ATP8A2: variants seen among roughly 807,000 people sequenced by gnomAD.
The protein encoded by ATP8A2 is phospholipid-transporting ATPase IB.
Under a neutral mutation model 165.6 loss-of-function variants are expected in ATP8A2, and 100 were observed. That is an observed-to-expected ratio of 0.60 (90% CI 0.51 to 0.71). ATP8A2 has a LOEUF of 0.71. Ranked by LOEUF, ATP8A2 falls within the 30% of genes least tolerant of loss-of-function variation. The probability of loss-of-function intolerance (pLI) is 0.00; values close to 1 mark genes in which losing one functional copy is unlikely to be tolerated. For synonymous variants in ATP8A2, 543 were observed against 548.8 expected (o/e 0.99, Z 0.15); for missense variants, 1,227 against 1,479.5 (o/e 0.83, Z 2.80).
chr13:25,887,666 C>G (rs1304716010), intron 33 of ATP8A2, among the ~76,000 whole-genome samples: 1 of 152,168 alleles, frequency 6.6e-6, no homozygotes, highest in East Asian at 1.9e-4. Context: ...TTAATAAATT[C>G]AGACAAGAGA....
At chr13:25,407,747 G>A (rs554532629) in intron 1 of ATP8A2, among the ~76,000 whole-genome samples, 1 of 152,192 alleles carries the variant, frequency 6.6e-6, no homozygotes, top group Non-Finnish European at 1.5e-5. Context: ...TATTTGAGGG[G>A]TTAAGAAAGA....
chr13:25,910,420 C>T (rs898971047), intron 33 of ATP8A2, among the ~76,000 whole-genome samples: 2 of 152,140 alleles, frequency 1.3e-5, no homozygotes, highest in Non-Finnish European at 2.9e-5. Flanking sequence ...ACTCATTATC[C>T]CTCTTTAGAT....
intron 35 of ATP8A2, among the ~76,000 whole-genome samples, chr13:25,973,282 C>T (rs560577883): frequency 6.6e-6 from 1 of 152,310 alleles, no homozygotes; most frequent in African/African-American, 2.4e-5. Context: ...GTTCTGTGAA[C>T]ATCTGTGCGT....
At chr13:25,876,607 A>G (rs2138832546) in intron 33 of ATP8A2, among the ~76,000 whole-genome samples, 1 of 152,350 alleles carries the variant, frequency 6.6e-6, no homozygotes, top group East Asian at 1.9e-4. Flanking sequence ...CCATGAAAAA[A>G]GATCCTTTAA....
At chr13:25,799,598 AG>A (rs1950577546) in intron 27 of ATP8A2, among the ~76,000 whole-genome samples, 1 of 152,190 alleles carries the variant, frequency 6.6e-6, no homozygotes, top group Non-Finnish European at 1.5e-5. Flanking sequence ...TCCACGTTGG[AG>A]GGCAGCTGTG....
At chr13:25,578,580 C>A (rs2138223139) in intron 20 of ATP8A2, among the ~76,000 whole-genome samples, 1 of 152,292 alleles carries the variant, frequency 6.6e-6, no homozygotes. Context: ...TTCTGGTTCT[C>A]CCCAGCATAT....
intron 10 of ATP8A2, among the ~76,000 whole-genome samples, chr13:25,547,975 G>A (rs2038703871): frequency 6.6e-6 from 1 of 152,094 alleles, no homozygotes; most frequent in South Asian, 2.1e-4. Flanking sequence ...TGTAATCCTA[G>A]CACATTGGGA....
At chr13:25,665,060 T>C (rs551538519) in intron 24 of ATP8A2, among the ~76,000 whole-genome samples, 21 of 150,052 alleles carry the variant, frequency 1.4e-4, no homozygotes, top group South Asian at 1.1e-3. Flanking sequence ...AGAGCCCAGA[T>C]GTACAAGGCA....
rs74492557 is a variant in ATP8A2 at position 25,655,875 on chromosome 13, G to A, written c.2212-43298G>A. ...ACCTTATGTGGTTTTAGAAATATTC[G>A]TGTGCAAATGGGCAGAATGAATTGG... On this transcript the variant is annotated intron_variant, in intron 24 of 36. Coordinates refer to ENST00000381655, the MANE Select transcript of ATP8A2 (RefSeq NM_016529.6). Among the ~76,000 whole-genome samples, 2,612 of 152,232 alleles carry A rather than the reference G, an allele frequency of 0.017. 197 individuals are homozygous for A. The East Asian group carries it at 0.24, about 14-fold the overall frequency.
chr13:25,965,215 A>C (rs543382707), intron 34 of ATP8A2, among the ~76,000 whole-genome samples: 1 of 152,262 alleles, frequency 6.6e-6, no homozygotes, highest in South Asian at 2.1e-4. Flanking sequence ...TTTCAAGTAT[A>C]TTTCTGTGAG....
chr13:25,979,675 G>A (rs186707686), intron 35 of ATP8A2, among the ~76,000 whole-genome samples: 21 of 152,280 alleles, frequency 1.4e-4, no homozygotes, highest in Non-Finnish European at 2.5e-4. Flanking sequence ...TATTAAAAAC[G>A]GAGGAAGTGC....
intron 1 of ATP8A2, among the ~76,000 whole-genome samples, chr13:25,378,315 T>C (rs925007343): frequency 6.6e-6 from 1 of 151,542 alleles, no homozygotes; most frequent in South Asian, 2.1e-4. Context: ...AAAAGTGATC[T>C]AATCCTCATT....
At chr13:25,686,349 G>C in intron 24 of ATP8A2, among the ~76,000 whole-genome samples, 1 of 152,180 alleles carries the variant, frequency 6.6e-6, no homozygotes, top group East Asian at 1.9e-4. Flanking sequence ...CTCCAAACCA[G>C]AAACTTATAG....
rs529387194 is a variant in ATP8A2 at position 25,634,503 on chromosome 13, T to A, written c.2211+44804T>A. On this transcript the variant is annotated intron_variant, in intron 24 of 36. Coordinates refer to ENST00000381655, the MANE Select transcript of ATP8A2 (RefSeq NM_016529.6). Reference sequence around the variant, plus strand: ...GAACCCAAAACTAAGCTATAAAAAATTTTTAAGTTTAATGAGTAACAGTTT... The same window carrying A: ...GAACCCAAAACTAAGCTATAAAAAAATTTTAAGTTTAATGAGTAACAGTTT... 7.9e-5 allele frequency among the ~76,000 whole-genome samples: 12 copies of A among 152,252 alleles called. No homozygotes were observed. The East Asian group carries it at 1.9e-3, about 25-fold the overall frequency.
At chr13:25,468,350 G>A (rs1463429050) in intron 1 of ATP8A2, among the ~76,000 whole-genome samples, 1 of 152,210 alleles carries the variant, frequency 6.6e-6, no homozygotes, top group African/African-American at 2.4e-5. Flanking sequence ...TGCATGTAGG[G>A]AGAAGAGCAG....
chr13:25,973,593 A>G (rs139347625), intron 35 of ATP8A2, among the ~76,000 whole-genome samples: 1 of 152,200 alleles, frequency 6.6e-6, no homozygotes, highest in Non-Finnish European at 1.5e-5. Flanking sequence ...GAAACAACAC[A>G]AACTCCCGAA....
Position 25,589,570 on chromosome 13 carries a change from G to A in ATP8A2, c.2147-65G>A, listed in dbSNP as rs2040012716. ...TTAAAGTGGCAGATATAACCAAGGA[G>A]GTTGAATTTAAGGAGCTCACAGAAG... On this transcript the variant is annotated intron_variant, in intron 23 of 36. Coordinates refer to ENST00000381655, the MANE Select transcript of ATP8A2 (RefSeq NM_016529.6). The A allele has an allele frequency of 1.1e-5, 14 of 1,225,080 alleles. No homozygotes were observed. In the East Asian group the frequency reaches 1.2e-4, roughly 10 times the overall value. 75.9% of individuals were successfully genotyped at this position (1,225,080 alleles called of 1,614,324 possible). A position where few individuals can be genotyped will look rare whatever the true frequency, so the allele number is the denominator to read the frequency against.
At chr13:25,832,804 C>T (rs563762710) in intron 28 of ATP8A2, among the ~76,000 whole-genome samples, 12 of 152,292 alleles carry the variant, frequency 7.9e-5, no homozygotes, top group African/African-American at 2.9e-4. Context: ...TGCCTGCCAT[C>T]ACTATATAAT....
chr13:25,588,826 C>G (rs2039992026), intron 23 of ATP8A2, among the ~76,000 whole-genome samples: 1 of 152,182 alleles, frequency 6.6e-6, no homozygotes, highest in Non-Finnish European at 1.5e-5. Flanking sequence ...AGGCCAGTGC[C>G]CTGGCGGACA....
Sources: gnomAD v4.1 joint callset for allele counts (sites outside exome capture counted in the v4.1 genomes callset) on GRCh38, gnomAD v4.1.1 for gene constraint, MANE v1.5 for transcripts, NCBI Gene and HGNC (gene_info 2026-07-23, HGNC 2026-07-21) for gene names.